Variants in MAPK10 observed in about 807,000 individuals in gnomAD.
The protein encoded by MAPK10 is JNK3 alpha protein kinase.
Under a neutral mutation model 59.3 loss-of-function variants are expected in MAPK10, and 25 were observed. The observed-to-expected ratio is 0.42, with a 90% CI of 0.31 to 0.59. MAPK10 has a LOEUF of 0.59. MAPK10 is among the 20% of genes least tolerant of loss of function. The pLI is 0.15. For missense variants in MAPK10, 351 were observed against 568.9 expected, an observed-to-expected ratio of 0.62 and a Z score of 3.90; for synonymous variants, 190 against 200.5, an observed-to-expected ratio of 0.95 and a Z score of 0.44.
intron 1 of MAPK10, among the ~76,000 whole-genome samples, chr4:86,385,952 G>A (rs1447031778): frequency 4.6e-4 from 70 of 152,132 alleles, no homozygotes; most frequent in Non-Finnish European, 1.5e-4. Context: ...TATTTATCCA[G>A]TCTTAGCCAG....
intron 3 of MAPK10, among the ~76,000 whole-genome samples, chr4:86,170,502 C>T (rs954371410): frequency 1.3e-5 from 2 of 151,674 alleles, no homozygotes; most frequent in Non-Finnish European, 2.9e-5. Context: ...GGTAAAGGGA[C>T]CAATTCAACA....
At chr4:86,273,014 A>G (rs2094477192) in intron 2 of MAPK10, among the ~76,000 whole-genome samples, 2 of 152,094 alleles carry the variant, frequency 1.3e-5, no homozygotes, top group Non-Finnish European at 2.9e-5. Flanking sequence ...TAATAAATAT[A>G]CCACAATGCT....
intron 2 of MAPK10, among the ~76,000 whole-genome samples, chr4:86,207,884 T>G (rs1326276152): frequency 2.7e-5 from 4 of 149,344 alleles, no homozygotes; most frequent in Non-Finnish European, 5.9e-5. Context: ...TTGTGATTTT[T>G]GTACATTGAT....
At chr4:86,214,596 T>A (rs2148616999) in intron 2 of MAPK10, among the ~76,000 whole-genome samples, 1 of 132,962 alleles carries the variant, frequency 7.5e-6, no homozygotes, top group South Asian at 2.4e-4. Context: ...CGCGCAAAAA[T>A]CAATTGCATT....
chr4:86,487,840 A>G (rs1754128408), intron 1 of MAPK10, among the ~76,000 whole-genome samples: 2 of 152,210 alleles, frequency 1.3e-5, no homozygotes, highest in Non-Finnish European at 1.5e-5. Context: ...CTTAAAATAA[A>G]ATCAAAAGAA....
In MAPK10 at chr4:86,102,033, C is replaced by A; in HGVS notation, c.426-1G>T. On this transcript the variant is annotated splice_acceptor_variant, in intron 6 of 13. Coordinates refer to ENST00000641462, the MANE Select transcript of MAPK10 (RefSeq NM_138982.4). LOFTEE classifies it high-confidence loss of function. ...ATCCATCAGTTCCATTACTAAGTAA[C>A]TAGAAGGGTGAATCCACAGTGTTAG... 6.2e-7 allele frequency: 1 copy of A among 1,613,684 alleles called. No homozygotes were observed. Among genetic ancestry groups the A allele is most frequent in the South Asian group, 1.1e-5 (1 of 91,064 alleles).
At chr4:86,550,273 T>C (rs1438544366) in intron 1 of MAPK10, among the ~76,000 whole-genome samples, 4 of 151,456 alleles carry the variant, frequency 2.6e-5, no homozygotes, top group African/African-American at 7.3e-5. Flanking sequence ...TGTATATTTT[T>C]GGTGTGCTAG....
intron 1 of MAPK10, among the ~76,000 whole-genome samples, chr4:86,400,711 C>T (rs1044048557): frequency 1.3e-5 from 2 of 152,098 alleles, no homozygotes; most frequent in African/African-American, 4.8e-5. Flanking sequence ...AGACGCTGCC[C>T]TCTGAAAGAA....
chr4:86,193,042 C>T (rs1485825799), intron 3 of MAPK10: 2 of 152,370 alleles, frequency 1.3e-5, no homozygotes, highest in Non-Finnish European at 1.5e-5. Flanking sequence ...TGCTGCAGCT[C>T]TGCTGGAGTT....
intron 1 of MAPK10, among the ~76,000 whole-genome samples, chr4:86,564,905 G>A (rs990872107): frequency 1.2e-4 from 19 of 152,086 alleles, no homozygotes; most frequent in Non-Finnish European, 2.5e-4. Context: ...ATGAGATGGC[G>A]GGGGAAGTTC....
intron 2 of MAPK10, among the ~76,000 whole-genome samples, 183 bp from the exon 3 acceptor site, chr4:86,194,590 A>G (rs12505532): frequency 0.085 from 12,943 of 152,234 alleles, 1,218 homozygotes; most frequent in African/African-American, 0.23. Context: ...AAATAAGGTT[A>G]AAATGTCCTA....
intron 1 of MAPK10, among the ~76,000 whole-genome samples, chr4:86,477,404 C>T (rs1195445608): frequency 6.6e-6 from 1 of 152,140 alleles, no homozygotes; most frequent in Non-Finnish European, 1.5e-5. Flanking sequence ...GCTACAGCCA[C>T]ACCTCATTGC....
At chr4:86,386,815 T>C (rs2149005555) in intron 1 of MAPK10, among the ~76,000 whole-genome samples, 1 of 152,246 alleles carries the variant, frequency 6.6e-6, no homozygotes, top group Admixed American at 6.5e-5. Flanking sequence ...GGCTTACATC[T>C]TGGCCATCCA....
intron 2 of MAPK10, among the ~76,000 whole-genome samples, chr4:86,293,249 A>G (rs560725691): frequency 2.0e-5 from 3 of 152,352 alleles, no homozygotes; most frequent in Admixed American, 2.0e-4. Context: ...AGAATTATTA[A>G]TTCCTTGTGA....
At chr4:86,064,229 G>C in intron 11 of MAPK10, 37 bp downstream of exon 11, 1 of 1,612,514 alleles carries the variant, frequency 6.2e-7, no homozygotes. Flanking sequence ...GCTATGATTT[G>C]TTTGTGGAAG....
intron 1 of MAPK10, among the ~76,000 whole-genome samples, chr4:86,429,512 A>C (rs1747752053): frequency 6.6e-6 from 1 of 152,202 alleles, no homozygotes; most frequent in Non-Finnish European, 1.5e-5. Context: ...AGATTACAAA[A>C]TATAAAACAG....
chr4:86,262,785 C>T (rs553870876), intron 2 of MAPK10, among the ~76,000 whole-genome samples: 5 of 152,236 alleles, frequency 3.3e-5, no homozygotes, highest in South Asian at 2.1e-4. Context: ...TGCTTGATTC[C>T]GAAGCAAGTT....
rs532175766 is a variant in MAPK10 at position 86,233,725 on chromosome 4, T to C, written c.-6-39318A>G. On this transcript the variant is annotated intron_variant, in intron 2 of 13. Coordinates refer to ENST00000641462, the MANE Select transcript of MAPK10 (RefSeq NM_138982.4). ...AGGAGGTGTTTCTCACTCATTTGAG[T>C]CAGCACCTGTCTTCACTAGGCACCT... Among the ~76,000 whole-genome samples the C allele has an allele frequency of 9.2e-5, 14 of 152,280 alleles. No homozygotes were observed. The East Asian group carries it at 2.7e-3, about 29-fold the overall frequency.
intron 2 of MAPK10, among the ~76,000 whole-genome samples, chr4:86,206,567 G>A (rs1347068063): frequency 6.6e-6 from 1 of 152,140 alleles, no homozygotes; most frequent in Non-Finnish European, 1.5e-5. Context: ...ACCCAGTAAT[G>A]GGATGGCTGG....
Sources: allele counts gnomAD v4.1 joint callset (sites outside exome capture counted in the v4.1 genomes callset), GRCh38; gene constraint gnomAD v4.1.1; transcripts MANE v1.5; gene names NCBI Gene and HGNC (gene_info 2026-07-23, HGNC 2026-07-21).